Variants in BBS12 observed in about 807,000 individuals in gnomAD.
The protein encoded by BBS12 is Bardet-Biedl syndrome 12.
Under a neutral mutation model 5.6 loss-of-function variants are expected in BBS12, and 5 were observed. That is an observed-to-expected ratio of 0.89 (90% CI 0.46 to 1.86). BBS12 has a LOEUF of 1.86. Ranked by LOEUF, BBS12 falls within the 40% of genes most tolerant of loss-of-function variation. The pLI, the probability that BBS12 is intolerant of heterozygous loss-of-function variation, is 0.01. For synonymous variants in BBS12, 308 were observed against 306.8 expected, an observed-to-expected ratio of 1.00 and a Z score of -0.04; for missense variants, 748 against 830.4, an observed-to-expected ratio of 0.90 and a Z score of 1.22.
intron 1 of BBS12, among the ~76,000 whole-genome samples, chr4:122,738,225 CT>C (rs772232305): frequency 6.6e-5 from 10 of 151,086 alleles, no homozygotes; most frequent in Non-Finnish European, 1.5e-4. Flanking sequence ...ATTTCTTTTT[CT>C]TTTTTTTTGA....
Position 122,743,362 on chromosome 4 carries a change from C to A in BBS12, c.1470C>A (p.Ile490=). ...TAGATAGGAACAACAGAATCGCAATCTTATTAAAAACAGAAGGAATTAATT... is the reference window on the plus strand; with the variant it reads ...TAGATAGGAACAACAGAATCGCAATATTATTAAAAACAGAAGGAATTAATT... The part of the protein sequence containing the change: ...DVVDRNNRIA[I]LLKTEGINLV... The change falls in exon 2 of 2, where the codon ATC becomes ATA. Residue 490 remains isoleucine (I), a synonymous_variant. Coordinates refer to ENST00000314218, the MANE Select transcript of BBS12 (RefSeq NM_152618.3). 1 of 1,614,174 alleles carries A rather than the reference C, an allele frequency of 6.2e-7. No homozygotes were observed. The highest frequency in any genetic ancestry group is 1.1e-5 in the South Asian group (1 of 91,086).
At position 122,742,064 on chromosome 4, in the gene BBS12, G is replaced by T. The variant is rs759455327; in HGVS notation, c.172G>T (p.Glu58Ter). ...AATCAGTTCAACAGTAAGGCTTCTT[G>T]AAAGTTTGGATTTAACCAGTGCAGT... ...VLISSTVRLL[E>*]SLDLTSAVGQ... The change falls in exon 2 of 2, where the codon GAA becomes TAA. Residue 58 changes from glutamate (E) to a stop codon, truncating the protein, a stop_gained. Coordinates refer to ENST00000314218, the MANE Select transcript of BBS12 (RefSeq NM_152618.3). LOFTEE classifies it low-confidence loss of function (END_TRUNC). 39 of 1,614,156 alleles carry T rather than the reference G, an allele frequency of 2.4e-5. No individual in the cohort carries two copies. The highest frequency in any genetic ancestry group is 3.3e-5 in the Non-Finnish European group (39 of 1,180,008).
the BBS12 span, among the ~76,000 whole-genome samples, chr4:122,724,732 A>G: frequency 6.6e-6 from 1 of 152,200 alleles, no homozygotes; most frequent in African/African-American, 2.4e-5. Context: ...AGAATAGCTC[A>G]AGAGTTCTGT....
the BBS12 span, among the ~76,000 whole-genome samples, chr4:122,724,448 A>G: frequency 6.6e-6 from 1 of 152,222 alleles, no homozygotes; most frequent in Non-Finnish European, 1.5e-5. Flanking sequence ...GAATTAAAGC[A>G]AGTAAATTCT....
the BBS12 span, among the ~76,000 whole-genome samples, chr4:122,710,557 G>C: frequency 6.6e-6 from 1 of 152,308 alleles, no homozygotes. Flanking sequence ...GGTTAGAGAG[G>C]TATCGTGTTA....
the BBS12 span, among the ~76,000 whole-genome samples, chr4:122,722,893 G>A: frequency 3.3e-5 from 5 of 151,952 alleles, no homozygotes; most frequent in Non-Finnish European, 5.9e-5. Context: ...GTTGAATAAA[G>A]GACATTCTGT....
chr4:122,726,285 A>G, the BBS12 span, among the ~76,000 whole-genome samples: 1 of 152,248 alleles, frequency 6.6e-6, no homozygotes, highest in Non-Finnish European at 1.5e-5. Context: ...AATTCTCAAA[A>G]GAAGATATAC....
At position 122,732,820 on chromosome 4, in the gene BBS12, A is replaced by G. The variant is rs991441907; in HGVS notation, c.-75A>G. ...TTTTTGGTGTTGCTGTCCCAGCCAGAATCGCGTCTGGCCGGTGGGAAGCCG... is the reference window on the plus strand; with the variant it reads ...TTTTTGGTGTTGCTGTCCCAGCCAGGATCGCGTCTGGCCGGTGGGAAGCCG... On this transcript the variant is annotated 5_prime_UTR_variant, in exon 1 of 2. Transcript: ENST00000314218. The G allele has an allele frequency of 6.6e-6, 1 of 152,410 alleles. No individual in the cohort carries two copies. The highest frequency in any genetic ancestry group is 2.4e-5 in the African/African-American group (1 of 41,460). 9.4% of individuals were successfully genotyped at this position (152,410 alleles called of 1,614,324 possible). A position where few individuals can be genotyped will look rare whatever the true frequency, so the allele number is the denominator to read the frequency against.
chr4:122,722,428 T>C, the BBS12 span, among the ~76,000 whole-genome samples: 2 of 152,074 alleles, frequency 1.3e-5, no homozygotes, highest in African/African-American at 4.8e-5. Flanking sequence ...ACTTGTCAAG[T>C]TCTACACAAA....
At chr4:122,740,737 A>T (rs1046286682) in intron 1 of BBS12, among the ~76,000 whole-genome samples, 6 of 152,234 alleles carry the variant, frequency 3.9e-5, no homozygotes, top group African/African-American at 1.4e-4. Flanking sequence ...GTACTTGTCT[A>T]GTCAGTCCTC....
chr4:122,723,995 C>T, the BBS12 span, among the ~76,000 whole-genome samples: 1 of 152,124 alleles, frequency 6.6e-6, no homozygotes, highest in Non-Finnish European at 1.5e-5. Context: ...TTAATCTCAT[C>T]TTTATTTAAT....
intron 1 of BBS12, chr4:122,733,859 C>CTTTTTTTTTTTTTTTTTTTT (rs35729794): frequency 6.2e-5 from 6 of 97,156 alleles, no homozygotes; most frequent in Non-Finnish European, 8.0e-5. Context: ...TAACTTTAGT[C>CTTTTTTTTTTTTTTTTTTTT]TTTTTTTTTT....
the BBS12 span, among the ~76,000 whole-genome samples, chr4:122,726,948 CAG>C: frequency 2.0e-5 from 3 of 152,222 alleles, no homozygotes; most frequent in East Asian, 5.8e-4. Context: ...TTTGGGGACT[CAG>C]GGAAAAGTGT....
At chr4:122,712,777 T>G in the BBS12 span, among the ~76,000 whole-genome samples, 23,762 of 152,236 alleles carry the variant, frequency 0.16, 2,424 homozygotes, top group Non-Finnish European at 0.23. Context: ...AGAGTTCTAA[T>G]TTGTTTTATG....
chr4:122,700,654 G>A, the BBS12 span, among the ~76,000 whole-genome samples: 1 of 152,234 alleles, frequency 6.6e-6, no homozygotes, highest in South Asian at 2.1e-4. Flanking sequence ...CCGGTGCGCA[G>A]TAAAACTGCT....
chr4:122,711,457 G>T, the BBS12 span, among the ~76,000 whole-genome samples: 1 of 152,068 alleles, frequency 6.6e-6, no homozygotes, highest in East Asian at 1.9e-4. Flanking sequence ...GGGCTCCACT[G>T]CAATAGACTT....
chr4:122,722,738 C>T, the BBS12 span, among the ~76,000 whole-genome samples: 4 of 152,138 alleles, frequency 2.6e-5, no homozygotes, highest in Non-Finnish European at 5.9e-5. Flanking sequence ...ACCTTACTTT[C>T]AGCAATCTAT....
the BBS12 span, among the ~76,000 whole-genome samples, chr4:122,702,920 T>G: frequency 6.6e-6 from 1 of 152,220 alleles, no homozygotes; most frequent in Non-Finnish European, 1.5e-5. Flanking sequence ...CTGAATATTA[T>G]ATAGGAGAAT....
chr4:122,715,874 C>A, the BBS12 span, among the ~76,000 whole-genome samples: 1 of 152,052 alleles, frequency 6.6e-6, no homozygotes, highest in Admixed American at 6.6e-5. Flanking sequence ...ACAGTTTGTT[C>A]TTTTGTTTAT....
Sources: allele counts gnomAD v4.1 joint callset (sites outside exome capture counted in the v4.1 genomes callset), GRCh38; gene constraint gnomAD v4.1.1; transcripts MANE v1.5; gene names NCBI Gene and HGNC (gene_info 2026-07-23, HGNC 2026-07-21).